The following PDE11A variants were observed in gnomAD, a reference collection of about 807,000 sequenced individuals.
The protein encoded by PDE11A is dual 3',5'-cyclic-AMP and -GMP phosphodiesterase 11A.
In PDE11A, 100 loss-of-function variants were observed where a neutral mutation model predicts 100.5. The ratio of observed to expected loss-of-function variants is 1.00; its 90% CI spans 0.85 to 1.18. The LOEUF (loss-of-function observed/expected upper bound fraction) is 1.18, where lower values mean the gene tolerates loss of function less well. PDE11A is among the 50% of genes most tolerant of loss of function. The probability of loss-of-function intolerance (pLI) is 0.00; values close to 1 mark genes in which losing one functional copy is unlikely to be tolerated. For missense variants in PDE11A, 1,141 were observed against 1,152.6 expected (o/e 0.99, Z 0.15); for synonymous variants, 381 against 420.8 (o/e 0.91, Z 1.16).
In PDE11A at chr2:177,638,718, C is replaced by T. The variant is rs554538920; in HGVS notation, c.2647-9156G>A. On this transcript the variant is annotated intron_variant, in intron 19 of 19. Coordinates refer to ENST00000286063, the MANE Select transcript of PDE11A (RefSeq NM_016953.4). ...GCTGCGCAAGCTGGGTCCAAAGCAG[C>T]CTTTTTTTTTGTGGAGGGCTAATTT... Among the ~76,000 whole-genome samples, 84 of 152,114 alleles carry T rather than the reference C, an allele frequency of 5.5e-4. 2 individuals are homozygous for T. Among genetic ancestry groups the T allele is most frequent in the Non-Finnish European group, 1.0e-3 (69 of 67,948 alleles).
chr2:177,779,610 A>T (rs2105515566), intron 9 of PDE11A, among the ~76,000 whole-genome samples: 1 of 152,366 alleles, frequency 6.6e-6, no homozygotes. Context: ...TTCATTTATG[A>T]GAAGCAACTC....
chr2:177,987,805 G>A (rs1056555584), intron 2 of PDE11A, among the ~76,000 whole-genome samples: 2 of 152,052 alleles, frequency 1.3e-5, no homozygotes, highest in Admixed American at 1.3e-4. Flanking sequence ...TTAATACTTT[G>A]TGTTATCATA....
intron 1 of PDE11A, among the ~76,000 whole-genome samples, chr2:178,059,294 T>C (rs1643715182): frequency 6.6e-6 from 1 of 152,184 alleles, no homozygotes; most frequent in Non-Finnish European, 1.5e-5. Context: ...TCAGTGTCCC[T>C]GGGTAGGGAA....
chr2:177,683,138 C>A (rs116248227), intron 15 of PDE11A, among the ~76,000 whole-genome samples: 2,017 of 152,230 alleles, frequency 0.013, 20 homozygotes, highest in Admixed American at 0.021. Context: ...AGACTAACTA[C>A]TAAAATTACT....
At chr2:177,670,854 GA>G (rs1474626419) in intron 17 of PDE11A, among the ~76,000 whole-genome samples, 1 of 106,574 alleles carries the variant, frequency 9.4e-6, no homozygotes. Flanking sequence ...TTTCTGTTAA[GA>G]AACATGGGCC....
At chr2:177,998,481 C>T (rs2086104501) in intron 2 of PDE11A, 7 of 1,367,346 alleles carry the variant, frequency 5.1e-6, no homozygotes, top group South Asian at 4.7e-5. Flanking sequence ...ATCTGCCACT[C>T]GAGGAAGATT....
At chr2:177,971,923 T>C (rs143509652) in intron 2 of PDE11A, among the ~76,000 whole-genome samples, 203 of 151,688 alleles carry the variant, frequency 1.3e-3, no homozygotes, top group East Asian at 3.5e-3. Context: ...TGACTTTCCA[T>C]TGTGGACTTC....
intron 4 of PDE11A, 49 bp from the exon 5 acceptor site, chr2:177,875,972 C>T (rs987003344): frequency 1.3e-5 from 13 of 1,035,624 alleles, no homozygotes; most frequent in South Asian, 3.8e-5. Flanking sequence ...GCTTTATTGC[C>T]GTTTAAAATA....
At chr2:178,023,705 A>T (rs957454445) in intron 1 of PDE11A, among the ~76,000 whole-genome samples, 2 of 152,340 alleles carry the variant, frequency 1.3e-5, no homozygotes, top group African/African-American at 4.8e-5. Flanking sequence ...TCCTGAACAT[A>T]CTTATGAGGA....
chr2:177,644,340 A>G (rs11678875), intron 19 of PDE11A, among the ~76,000 whole-genome samples: 93,687 of 152,226 alleles, frequency 0.62, 32,688 homozygotes, highest in Non-Finnish European at 0.75. Context: ...CCTGGATGCT[A>G]AAACTCTTGT....
intron 1 of PDE11A, among the ~76,000 whole-genome samples, chr2:178,046,398 T>C (rs926865749): frequency 6.6e-6 from 1 of 152,212 alleles, no homozygotes; most frequent in African/African-American, 2.4e-5. Flanking sequence ...TCTTACAGTG[T>C]GAAACAATCA....
At chr2:177,826,688 T>C (rs1344420404) in intron 6 of PDE11A, among the ~76,000 whole-genome samples, 1 of 152,256 alleles carries the variant, frequency 6.6e-6, no homozygotes, top group Non-Finnish European at 1.5e-5. Flanking sequence ...TTCTTAGAAC[T>C]GTGGGACTTG....
chr2:177,676,940 C>T (rs2080785201), intron 16 of PDE11A, among the ~76,000 whole-genome samples: 1 of 152,182 alleles, frequency 6.6e-6, no homozygotes, highest in African/African-American at 2.4e-5. Context: ...ATTCAGGATT[C>T]TGTGCCTATC....
At chr2:178,076,325 T>C (rs1253697723), upstream of PDE11A, among the ~76,000 whole-genome samples, 4 of 152,222 alleles carry the variant, frequency 2.6e-5, no homozygotes, top group Non-Finnish European at 5.9e-5. Flanking sequence ...TATTTCTTTA[T>C]CATGGCCAAT....
At chr2:177,632,621 T>A (rs2079969302) in intron 19 of PDE11A, among the ~76,000 whole-genome samples, 1 of 152,216 alleles carries the variant, frequency 6.6e-6, no homozygotes, top group Non-Finnish European at 1.5e-5. Context: ...TTTCCAAGTC[T>A]TACTTCCTTG....
chr2:177,663,562 T>C (rs2080518442), intron 19 of PDE11A, among the ~76,000 whole-genome samples: 1 of 152,206 alleles, frequency 6.6e-6, no homozygotes, highest in Non-Finnish European at 1.5e-5. Context: ...TGGATGTTCA[T>C]GTTCTATGGG....
At chr2:177,635,570 T>C (rs1445123974) in intron 19 of PDE11A, among the ~76,000 whole-genome samples, 1 of 152,202 alleles carries the variant, frequency 6.6e-6, no homozygotes, top group African/African-American at 2.4e-5. Flanking sequence ...TTATTTATGT[T>C]TTGAATAAGG....
chr2:177,825,915 T>C (rs1333764268), intron 6 of PDE11A, among the ~76,000 whole-genome samples: 3 of 152,206 alleles, frequency 2.0e-5, no homozygotes, highest in African/African-American at 7.2e-5. Flanking sequence ...CCAAGTTGTT[T>C]TATGAAAATT....
chr2:177,906,229 A>C (rs2695097), intron 2 of PDE11A, among the ~76,000 whole-genome samples: 141,424 of 152,122 alleles, frequency 0.93, 66,582 homozygotes, highest in East Asian at 1. Context: ...GGAAGAGGTA[A>C]CAAGCGCTGG....
Sources: allele counts gnomAD v4.1 joint callset (sites outside exome capture counted in the v4.1 genomes callset), GRCh38; gene constraint gnomAD v4.1.1; transcripts MANE v1.5; gene names NCBI Gene and HGNC (gene_info 2026-07-23, HGNC 2026-07-21).